The following SH3RF1 variants were observed in gnomAD, a reference collection of about 807,000 sequenced individuals.
The protein encoded by SH3RF1 is SH3 domain containing ring finger 1, also known as E3 ubiquitin-protein ligase SH3RF1.
A neutral mutation model predicts 74.0 loss-of-function variants in SH3RF1; 32 were observed. The observed-to-expected ratio is 0.43, with a 90% confidence interval of 0.33 to 0.58. The LOEUF (loss-of-function observed/expected upper bound fraction) is 0.58, where lower values mean the gene tolerates loss of function less well. Among genes scored for constraint, SH3RF1 ranks in the 20% least tolerant of loss-of-function variants. SH3RF1 has a pLI of 0.05. For synonymous variants in SH3RF1, 396 were observed against 439.6 expected, an observed-to-expected ratio of 0.90 and a Z score of 1.24; for missense variants, 954 against 1,130.9, an observed-to-expected ratio of 0.84 and a Z score of 2.24.
At chr4:169,263,367 C>A (rs1731309678) in intron 2 of SH3RF1, among the ~76,000 whole-genome samples, 1 of 152,170 alleles carries the variant, frequency 6.6e-6, no homozygotes. Context: ...GTGTTACCTC[C>A]CCCAAATGTA....
At chr4:169,115,515 C>T (rs1733317383) in intron 10 of SH3RF1, among the ~76,000 whole-genome samples, 1 of 152,106 alleles carries the variant, frequency 6.6e-6, no homozygotes, top group African/African-American at 2.4e-5. Context: ...GAGGATCTGT[C>T]ACTGTCTGCC....
intron 2 of SH3RF1, among the ~76,000 whole-genome samples, chr4:169,178,671 T>C (rs1020457781): frequency 2.3e-4 from 35 of 152,306 alleles, no homozygotes; most frequent in Non-Finnish European, 4.6e-4. Flanking sequence ...CCAAAATTTA[T>C]GGGATTTAGG....
At chr4:169,155,244 A>G (rs964549698) in intron 4 of SH3RF1, among the ~76,000 whole-genome samples, 2 of 152,208 alleles carry the variant, frequency 1.3e-5, no homozygotes, top group African/African-American at 4.8e-5. Context: ...GTGACATTTA[A>G]CAAGACACAG....
chr4:169,202,721 G>A (rs17054836), intron 2 of SH3RF1, among the ~76,000 whole-genome samples: 1 of 152,132 alleles, frequency 6.6e-6, no homozygotes, highest in African/African-American at 2.4e-5. Flanking sequence ...GAAAAGTGGA[G>A]AAATAGCTTA....
intron 5 of SH3RF1, among the ~76,000 whole-genome samples, chr4:169,136,034 T>C (rs1733693618): frequency 6.6e-6 from 1 of 152,154 alleles, no homozygotes; most frequent in African/African-American, 2.4e-5. Context: ...TAAGGCTGAG[T>C]GATTGCTTGG....
At chr4:169,105,862 C>T (rs1180282222) in intron 11 of SH3RF1, among the ~76,000 whole-genome samples, 1 of 152,042 alleles carries the variant, frequency 6.6e-6, no homozygotes, top group Non-Finnish European at 1.5e-5. Flanking sequence ...CTGAAGCCTG[C>T]GCAACAGAGC....
intron 2 of SH3RF1, among the ~76,000 whole-genome samples, chr4:169,185,471 C>G (rs1409621506): frequency 3.3e-5 from 5 of 152,200 alleles, no homozygotes; most frequent in Non-Finnish European, 7.4e-5. Flanking sequence ...CAAAACATTA[C>G]TCACAGGGAG....
At position 169,156,698 on chromosome 4, in the gene SH3RF1, G is replaced by T. The variant is rs753120048; in HGVS notation, c.394-19C>A. ...GTATACCCTTTAAAAAAAAAAGAGG[G>T]ATGAATTTTAATAAAATAATGGTCT... On this transcript the variant is annotated intron_variant, in intron 2 of 11. Transcript: ENST00000284637. 2.7e-5 allele frequency: 41 copies of T among 1,543,456 alleles called. No individual in the cohort carries two copies. Among genetic ancestry groups the T allele is most frequent in the Non-Finnish European group, 3.5e-5 (40 of 1,144,094 alleles).
intron 2 of SH3RF1, among the ~76,000 whole-genome samples, chr4:169,181,673 C>G (rs1268574425): frequency 6.6e-6 from 1 of 152,176 alleles, no homozygotes; most frequent in East Asian, 1.9e-4. Flanking sequence ...TCCCAACACT[C>G]CTTCATCTAC....
intron 2 of SH3RF1, among the ~76,000 whole-genome samples, chr4:169,237,265 T>G (rs1051347634): frequency 6.6e-6 from 1 of 152,246 alleles, no homozygotes; most frequent in Non-Finnish European, 1.5e-5. Context: ...AAAGTCATAC[T>G]TAGACTCATG....
At chr4:169,254,195 T>C (rs1271081049) in intron 2 of SH3RF1, among the ~76,000 whole-genome samples, 1 of 152,214 alleles carries the variant, frequency 6.6e-6, no homozygotes, top group Non-Finnish European at 1.5e-5. Context: ...AATTCTGGAA[T>C]GTGAGTAGTC....
rs909829052 is a variant in SH3RF1, at chr4:169,178,264, A to C, written c.394-21585T>G. ...TCAAAAAAGTAAACAAATAAACAAA[A>C]AAAAAAAATTTTTTTTTAAATAAGC... On this transcript the variant is annotated intron_variant, in intron 2 of 11. Coordinates refer to ENST00000284637, the MANE Select transcript of SH3RF1 (RefSeq NM_020870.4). Among the ~76,000 whole-genome samples the C allele has an allele frequency of 8.8e-4, 132 of 149,684 alleles. 1 individual carries two copies. Among genetic ancestry groups the C allele is most frequent in the Non-Finnish European group, 1.8e-3 (120 of 67,226 alleles).
chr4:169,144,063 A>G (rs1056648511), intron 4 of SH3RF1, among the ~76,000 whole-genome samples: 7 of 152,314 alleles, frequency 4.6e-5, no homozygotes, highest in South Asian at 2.1e-4. Context: ...GACCACATAA[A>G]TTCCATGGTT....
intron 2 of SH3RF1, among the ~76,000 whole-genome samples, chr4:169,183,771 A>G (rs901761897): frequency 5.9e-5 from 9 of 151,854 alleles, no homozygotes; most frequent in Admixed American, 5.2e-4. Flanking sequence ...AAACAAAACA[A>G]AACAGAACAA....
At chr4:169,190,425 T>C (rs1460152952) in intron 2 of SH3RF1, among the ~76,000 whole-genome samples, 3 of 151,948 alleles carry the variant, frequency 2.0e-5, no homozygotes, top group African/African-American at 7.2e-5. Context: ...AAAAGATCAT[T>C]CGAGGTTACT....
chr4:169,218,259 T>C (rs1465199455), intron 2 of SH3RF1, among the ~76,000 whole-genome samples: 2 of 142,802 alleles, frequency 1.4e-5, no homozygotes, highest in African/African-American at 5.1e-5. Flanking sequence ...TATGTTTATA[T>C]ATAATATAGA....
intron 2 of SH3RF1, among the ~76,000 whole-genome samples, chr4:169,158,646 A>C (rs1202658597): frequency 2.0e-5 from 3 of 152,258 alleles, no homozygotes; most frequent in African/African-American, 4.8e-5. Flanking sequence ...CTATGTGCAA[A>C]GCACAGGCCT....
chr4:169,230,311 TACTG>T (rs1378166818), intron 2 of SH3RF1, among the ~76,000 whole-genome samples: 1 of 152,210 alleles, frequency 6.6e-6, no homozygotes, highest in Non-Finnish European at 1.5e-5. Context: ...TGATTCAAAA[TACTG>T]ACCCTCAAAT....
At chr4:169,122,314 A>C (rs1733454740) in intron 6 of SH3RF1, 48 bp from the exon 7 acceptor site, 11 of 1,523,812 alleles carry the variant, frequency 7.2e-6, no homozygotes, top group Non-Finnish European at 9.8e-6. Flanking sequence ...GGAACAAAAT[A>C]CTGATTTACA....
Sources: allele counts gnomAD v4.1 joint callset (sites outside exome capture counted in the v4.1 genomes callset), GRCh38; gene constraint gnomAD v4.1.1; transcripts MANE v1.5; gene names NCBI Gene and HGNC (gene_info 2026-07-23, HGNC 2026-07-21).